NDUFS4: variants seen among roughly 807,000 people sequenced by gnomAD.
NDUFS4 encodes NADH dehydrogenase [ubiquinone] iron-sulfur protein 4, mitochondrial.
A neutral mutation model predicts 24.3 loss-of-function variants in NDUFS4; 28 were observed. That is an observed-to-expected ratio of 1.15 (90% CI 0.85 to 1.58). The LOEUF is 1.58. Ranked by LOEUF, NDUFS4 falls within the 40% of genes most tolerant of loss-of-function variation. The pLI is 0.00. For missense variants in NDUFS4, 223 were observed against 207.9 expected (o/e 1.07, Z -0.45); for synonymous variants, 93 against 69.7 (o/e 1.34, Z -1.67).
chr5:53,619,760 T>C (rs1305320761), intron 2 of NDUFS4, among the ~76,000 whole-genome samples: 2 of 152,118 alleles, frequency 1.3e-5, no homozygotes, highest in Non-Finnish European at 2.9e-5. Flanking sequence ...TATCCTGTTT[T>C]TCACTTTATT....
chr5:53,606,013 CAAA>C (rs11329751), intron 2 of NDUFS4, among the ~76,000 whole-genome samples: 27 of 77,036 alleles, frequency 3.5e-4, no homozygotes, highest in Admixed American at 2.8e-4. Context: ...GACTCCGTCT[CAAA>C]AAAAAAAAAA....
chr5:53,677,779 G>A (rs1052856575), intron 4 of NDUFS4, among the ~76,000 whole-genome samples: 2 of 152,078 alleles, frequency 1.3e-5, no homozygotes, highest in East Asian at 1.9e-4. Flanking sequence ...TGTCAGTTAC[G>A]TCAGTTTGTG....
At chr5:53,666,722 G>A (rs1752524591) in intron 4 of NDUFS4, among the ~76,000 whole-genome samples, 2 of 152,098 alleles carry the variant, frequency 1.3e-5, no homozygotes, top group Non-Finnish European at 1.5e-5. Context: ...GATCACTTGA[G>A]GTCAGGAGTT....
chr5:53,609,870 T>TG (rs532733464), intron 2 of NDUFS4, among the ~76,000 whole-genome samples: 156 of 152,254 alleles, frequency 1.0e-3, no homozygotes, highest in African/African-American at 3.6e-3. Flanking sequence ...TTCAAAGAAT[T>TG]GAAGAGACTT....
At chr5:53,566,849 A>ATTT (rs34167752) in intron 1 of NDUFS4, among the ~76,000 whole-genome samples, 25 of 136,676 alleles carry the variant, frequency 1.8e-4, no homozygotes, top group Admixed American at 7.4e-4. Flanking sequence ...ACCGCCAAGT[A>ATTT]TTTTTTTTTT....
At chr5:53,562,291 C>T (rs926578394) in intron 1 of NDUFS4, among the ~76,000 whole-genome samples, 2 of 152,094 alleles carry the variant, frequency 1.3e-5, no homozygotes, top group African/African-American at 4.8e-5. Flanking sequence ...CCAAGATTAG[C>T]CCTTCCTCCC....
chr5:53,632,019 C>G (rs1751425034), intron 2 of NDUFS4, among the ~76,000 whole-genome samples: 1 of 152,184 alleles, frequency 6.6e-6, no homozygotes, highest in Non-Finnish European at 1.5e-5. Context: ...TCTGCTTCGG[C>G]TCGCCCTCCG....
intron 1 of NDUFS4, among the ~76,000 whole-genome samples, chr5:53,568,942 T>C (rs1365450368): frequency 6.6e-6 from 1 of 152,220 alleles, no homozygotes. Context: ...CTCAAAAATA[T>C]GTTTTTTCCT....
At chr5:53,630,562 G>C (rs1378708398) in intron 2 of NDUFS4, among the ~76,000 whole-genome samples, 2 of 151,968 alleles carry the variant, frequency 1.3e-5, no homozygotes, top group Admixed American at 6.6e-5. Context: ...ATATTTCTTG[G>C]AGGCTTTGTT....
intron 3 of NDUFS4, among the ~76,000 whole-genome samples, chr5:53,651,478 A>G (rs1752013750): frequency 6.6e-6 from 1 of 151,850 alleles, no homozygotes; most frequent in Non-Finnish European, 1.5e-5. Context: ...CAGCCTGCTT[A>G]TATTTTATTT....
intron 4 of NDUFS4, among the ~76,000 whole-genome samples, chr5:53,670,923 A>T (rs4147738): frequency 0.095 from 14,422 of 151,186 alleles, 1,001 homozygotes; most frequent in Admixed American, 0.2. Flanking sequence ...AGATATATGG[A>T]ATAGACTATA....
At chr5:53,625,196 C>T (rs1363222183) in intron 2 of NDUFS4, among the ~76,000 whole-genome samples, 2 of 152,118 alleles carry the variant, frequency 1.3e-5, no homozygotes, top group Non-Finnish European at 2.9e-5. Context: ...AATCTGCCTG[C>T]CTCAGTCTCC....
At chr5:53,648,662 G>A (rs1751930181) in intron 3 of NDUFS4, among the ~76,000 whole-genome samples, 1 of 152,156 alleles carries the variant, frequency 6.6e-6, no homozygotes, top group African/African-American at 2.4e-5. Flanking sequence ...TTGCCAGTGT[G>A]TGGAGACATT....
intron 4 of NDUFS4, among the ~76,000 whole-genome samples, chr5:53,667,240 C>T (rs993558722): frequency 5.3e-5 from 8 of 151,634 alleles, no homozygotes; most frequent in South Asian, 2.1e-4. Flanking sequence ...CTGAGGTGGG[C>T]GGATCACCTG....
chr5:53,629,656 T>A (rs1438097588), intron 2 of NDUFS4, among the ~76,000 whole-genome samples: 3 of 152,196 alleles, frequency 2.0e-5, no homozygotes, highest in African/African-American at 4.8e-5. Flanking sequence ...TCTTTTTCGA[T>A]CTTTGTTGGT....
At chr5:53,681,967 G>A (rs906214172) in intron 4 of NDUFS4, among the ~76,000 whole-genome samples, 7 of 146,932 alleles carry the variant, frequency 4.8e-5, no homozygotes, top group African/African-American at 1.8e-4. Flanking sequence ...TATACTTACC[G>A]AGATCAAGAG....
In NDUFS4 at chr5:53,605,414, C is replaced by G. The variant is rs1346137599; in HGVS notation, c.177+1884C>G. 2.0e-5 allele frequency among the ~76,000 whole-genome samples: 3 copies of G among 152,134 alleles called. No individual in the cohort carries two copies. In the East Asian group the frequency reaches 5.8e-4, roughly 29 times the overall value. On this transcript the variant is annotated intron_variant, in intron 2 of 4. Coordinates refer to ENST00000296684, the MANE Select transcript of NDUFS4 (RefSeq NM_002495.4). ...TTCACTAATAACTCTTCTAAGTTCT[C>G]TTCTTTCTAGTTTGAAGAATGAGTG...
At chr5:53,667,075 A>G (rs1204485050) in intron 4 of NDUFS4, among the ~76,000 whole-genome samples, 1 of 152,226 alleles carries the variant, frequency 6.6e-6, no homozygotes, top group East Asian at 1.9e-4. Flanking sequence ...TTATTTATTT[A>G]ACATGTAGCA....
At chr5:53,584,393 T>C (rs1222519621) in intron 1 of NDUFS4, among the ~76,000 whole-genome samples, 4 of 152,114 alleles carry the variant, frequency 2.6e-5, no homozygotes, top group Non-Finnish European at 5.9e-5. Context: ...TTCGGCCTTA[T>C]CACCCAGGCT....
Sources: allele counts gnomAD v4.1 joint callset (sites outside exome capture counted in the v4.1 genomes callset), GRCh38; gene constraint gnomAD v4.1.1; transcripts MANE v1.5; gene names NCBI Gene and HGNC (gene_info 2026-07-23, HGNC 2026-07-21).